FRG1: variants seen among roughly 807,000 people sequenced by gnomAD.
FRG1 encodes protein FRG1.
Under a neutral mutation model 37.0 loss-of-function variants are expected in FRG1, and 19 were observed. That is an observed-to-expected ratio of 0.51 (90% confidence interval 0.36 to 0.75). The LOEUF is 0.75. Among genes scored for constraint, FRG1 ranks in the 30% least tolerant of loss-of-function variants. The probability of loss-of-function intolerance (pLI) is 0.00; values close to 1 mark genes in which losing one functional copy is unlikely to be tolerated. For synonymous variants in FRG1, 73 were observed against 96.5 expected (o/e 0.76, Z 1.43); for missense variants, 243 against 301.4 (o/e 0.81, Z 1.44).
At position 189,940,937 on chromosome 4, in the gene FRG1, C is replaced by G; in HGVS notation, c.-73C>G. The G allele has an allele frequency of 8.3e-7, 1 of 1,210,708 alleles. No homozygotes were observed. Among genetic ancestry groups the G allele is most frequent in the Non-Finnish European group, 1.2e-6 (1 of 825,798 alleles). The allele number at this position is 1,210,708 out of a possible 1,614,324, so 75.0% of individuals were successfully genotyped here. A position where few individuals can be genotyped will look rare whatever the true frequency, so the allele number is the denominator to read the frequency against. ...CGCGTCCGCTTCTGTTTCTCCGCGC[C>G]CCTGTGCTGCCCCGACTCACATACT... is the stretch of plus-strand genomic sequence containing the variant. On this transcript the variant is annotated 5_prime_UTR_variant, in exon 1 of 9. Coordinates refer to ENST00000226798, the MANE Select transcript of FRG1 (RefSeq NM_004477.3).
intron 4 of FRG1, 140 bp downstream of exon 4, chr4:189,953,265 T>G (rs537944017): frequency 7.6e-7 from 1 of 1,314,644 alleles, no homozygotes; most frequent in African/African-American, 1.5e-5. Flanking sequence ...AAAGTAGATT[T>G]TGTGATCTAC....
Position 189,940,939 on chromosome 4 carries a change from C to T in FRG1, c.-71C>T, listed in dbSNP as rs1352741409. The T allele has an allele frequency of 2.4e-6, 3 of 1,255,802 alleles. No individual in the cohort carries two copies. The highest frequency in any genetic ancestry group is 1.2e-5 in the South Asian group (1 of 81,186). The allele number at this position is 1,255,802 out of a possible 1,614,324, so 77.8% of individuals were successfully genotyped here. On this transcript the variant is annotated 5_prime_UTR_variant, in exon 1 of 9. Coordinates refer to ENST00000226798, the MANE Select transcript of FRG1 (RefSeq NM_004477.3). ...CGTCCGCTTCTGTTTCTCCGCGCCC[C>T]TGTGCTGCCCCGACTCACATACTCG...
chr4:189,942,921 A>G (rs111389123), intron 1 of FRG1, among the ~76,000 whole-genome samples: 2 of 152,174 alleles, frequency 1.3e-5, no homozygotes, highest in Admixed American at 1.3e-4. Context: ...ACTCAGAGAG[A>G]TTCAGTACCT....
chr4:189,941,653 C>T (rs778277492), intron 1 of FRG1, among the ~76,000 whole-genome samples: 14 of 152,154 alleles, frequency 9.2e-5, no homozygotes, highest in Non-Finnish European at 1.6e-4. Flanking sequence ...CCTCCGTTTA[C>T]ACATTTATAC....
chr4:189,961,981 TG>T, intron 8 of FRG1, 49 bp downstream of exon 8: 1 of 954,960 alleles, frequency 1.0e-6, no homozygotes, highest in Non-Finnish European at 1.6e-6. Flanking sequence ...CCAATAGAAA[TG>T]GCATGTAGAA....
chr4:189,946,692 T>G (rs78260261), intron 2 of FRG1, among the ~76,000 whole-genome samples: 2 of 152,248 alleles, frequency 1.3e-5, no homozygotes, highest in Non-Finnish European at 2.9e-5. Context: ...TAAAAGTATA[T>G]TGTTTTTAAT....
At chr4:189,962,891 T>G (rs1171629241) in intron 8 of FRG1, among the ~76,000 whole-genome samples, 1 of 152,204 alleles carries the variant, frequency 6.6e-6, no homozygotes, top group Non-Finnish European at 1.5e-5. Flanking sequence ...GCAACATTTA[T>G]TGAATATTAG....
At chr4:189,946,311 CAAAAA>C (rs34356772) in intron 2 of FRG1, among the ~76,000 whole-genome samples, 1 of 105,650 alleles carries the variant, frequency 9.5e-6, no homozygotes, top group Admixed American at 1.0e-4. Flanking sequence ...GCTGATAAGC[CAAAAA>C]AAAAAAAAAA....
chr4:189,960,385 C>G (rs1202455415), intron 6 of FRG1, among the ~76,000 whole-genome samples: 1 of 152,206 alleles, frequency 6.6e-6, no homozygotes, highest in Non-Finnish European at 1.5e-5. Flanking sequence ...TCAATCCGAT[C>G]AAATGAACAC....
At chr4:189,954,675 A>C (rs1359952011) in intron 4 of FRG1, among the ~76,000 whole-genome samples, 1 of 150,814 alleles carries the variant, frequency 6.6e-6, no homozygotes, top group East Asian at 1.9e-4. Flanking sequence ...TCTCACTATA[A>C]CCTCAAATTT....
In FRG1 at chr4:189,963,083, G is replaced by T. The variant is rs374683023; in HGVS notation, c.741-10G>T. 1.9e-6 allele frequency: 3 copies of T among 1,598,490 alleles called. No individual in the cohort carries two copies. Among genetic ancestry groups the T allele is most frequent in the Non-Finnish European group, 2.6e-6 (3 of 1,168,280 alleles). ...ACATAGATTAATTTTATTTTTCTTT[G>T]TTTAAACAGGAGAGCCAAATTGAAA... On this transcript the variant is annotated splice_polypyrimidine_tract_variant and intron_variant, in intron 8 of 8. Transcript: ENST00000226798.
At chr4:189,946,353 A>C (rs1370813491) in intron 2 of FRG1, among the ~76,000 whole-genome samples, 2 of 151,234 alleles carry the variant, frequency 1.3e-5, no homozygotes, top group African/African-American at 4.8e-5. Flanking sequence ...ATATTTCAAG[A>C]AAGTTTATGA....
chr4:189,942,320 C>T (rs1379183192), intron 1 of FRG1, among the ~76,000 whole-genome samples: 2 of 152,072 alleles, frequency 1.3e-5, no homozygotes, highest in African/African-American at 4.8e-5. Context: ...TGTCTAGTTG[C>T]TCAGCATTTT....
At chr4:189,950,306 C>T (rs113034067) in intron 2 of FRG1, among the ~76,000 whole-genome samples, 5 of 136,320 alleles carry the variant, frequency 3.7e-5, no homozygotes, top group Non-Finnish European at 7.9e-5. Context: ...AATATTTTCT[C>T]CATTCCCTGG....
intron 2 of FRG1, among the ~76,000 whole-genome samples, chr4:189,943,669 A>G (rs1736412470): frequency 6.6e-6 from 1 of 152,228 alleles, no homozygotes; most frequent in South Asian, 2.1e-4. Flanking sequence ...AAAAATCATT[A>G]TTTTGTGAAC....
chr4:189,940,985 C>A lies in FRG1; in HGVS notation c.-25C>A, dbSNP rs766671606. ...ACTCGTCCAGAACCGGCCTCAGCCT[C>A]TCCGCGCAGAAGTTTCCCGGAGCCA... On this transcript the variant is annotated 5_prime_UTR_variant, in exon 1 of 9. Transcript: ENST00000226798. 2.5e-6 allele frequency: 4 copies of A among 1,607,594 alleles called. No individual in the cohort carries two copies. The highest frequency in any genetic ancestry group is 1.7e-6 in the Non-Finnish European group (2 of 1,174,856).
rs575384276 is a variant in FRG1 at position 189,957,414 on chromosome 4, T to A, written c.449T>A (p.Leu150Ter). The change falls in exon 6 of 9, where the codon TTG becomes TAG. Residue 150 changes from leucine (L) to a stop codon, truncating the protein, a stop_gained. Transcript: ENST00000226798. LOFTEE classifies it high-confidence loss of function. ...TTCACTTAGGGGAAAATGGCTTTGT[T>A]GGCCTCAAATAGCTGCTTTATTAGA... ...PVFQNGKMAL[L>*]ASNSCFIRCN... The A allele has an allele frequency of 1.9e-6, 3 of 1,612,026 alleles. No homozygotes were observed. In the African/African-American group the frequency reaches 4.0e-5, roughly 22 times the overall value.
At chr4:189,953,565 C>T (rs1310923724) in intron 4 of FRG1, among the ~76,000 whole-genome samples, 1 of 152,064 alleles carries the variant, frequency 6.6e-6, no homozygotes, top group Non-Finnish European at 1.5e-5. Flanking sequence ...TATAAAGTAA[C>T]CTTTTTTATT....
intron 8 of FRG1, 101 bp from the exon 9 acceptor site, chr4:189,962,992 A>T (rs1310815907): frequency 5.8e-6 from 4 of 687,516 alleles, no homozygotes; most frequent in Non-Finnish European, 9.5e-6. Context: ...GGTAATAACC[A>T]AAATTGAACA....
Sources: gnomAD v4.1 joint callset for allele counts (sites outside exome capture counted in the v4.1 genomes callset) on GRCh38, gnomAD v4.1.1 for gene constraint, MANE v1.5 for transcripts, NCBI Gene and HGNC (gene_info 2026-07-23, HGNC 2026-07-21) for gene names.